F11: variants seen among roughly 807,000 people sequenced by gnomAD.
F11 encodes the protein coagualtion factor XI.
F11 carries 78 observed loss-of-function variants against 76.5 expected under a neutral mutation model. That is an observed-to-expected ratio of 1.02 (90% CI 0.85 to 1.23). F11 has a LOEUF of 1.23. F11 is among the 50% of genes most tolerant of loss of function. F11 has a pLI of 0.00. For synonymous variants in F11, 278 were observed against 276.3 expected (o/e 1.01, Z -0.06); for missense variants, 742 against 771.4 (o/e 0.96, Z 0.45).
chr4:186,280,001 G>T lies in F11; in HGVS notation c.756-11G>T, dbSNP rs777154225. On this transcript the variant is annotated splice_polypyrimidine_tract_variant and intron_variant, in intron 7 of 14. Transcript: ENST00000403665. ...TATGATATATTTCTACTTCCCTTTT[G>T]TTTTTGTTAGAAATCTTTGTCTCCT... The T allele has an allele frequency of 1.4e-5, 22 of 1,600,334 alleles. No homozygotes were observed. Among genetic ancestry groups the T allele is most frequent in the Non-Finnish European group, 1.7e-5 (20 of 1,167,620 alleles).
chr4:186,266,739 T>C (rs1186428936), intron 1 of F11, among the ~76,000 whole-genome samples: 2 of 151,838 alleles, frequency 1.3e-5, no homozygotes, highest in South Asian at 2.1e-4. Context: ...TTGAAAGATA[T>C]AGGGAGAGGC....
At chr4:186,270,113 T>C (rs958171126) in intron 2 of F11, among the ~76,000 whole-genome samples, 1 of 152,204 alleles carries the variant, frequency 6.6e-6, no homozygotes, top group Non-Finnish European at 1.5e-5. Context: ...TTTTCACAGA[T>C]GATGTGATTG....
intron 12 of F11, 87 bp downstream of exon 12, chr4:186,285,900 C>T (rs1264952230): frequency 1.5e-6 from 2 of 1,367,858 alleles, no homozygotes; most frequent in Non-Finnish European, 2.1e-6. Context: ...CTGACCCTGC[C>T]AATCTCTCCA....
In F11 at chr4:186,280,377, CG is replaced by C; in HGVS notation, c.1021del (p.Glu341LysfsTer8). ...ATACCCCAGCCCAAGCATCCTGCAA[CG>C]AAGGGAAGTAAGCCATATGAAGGGT... ...TYTPAQASCN[E>X]GKGKCYLKLS... On this transcript the variant is annotated frameshift_variant, in exon 9 of 15. Coordinates refer to ENST00000403665, the MANE Select transcript of F11 (RefSeq NM_000128.4). LOFTEE classifies it high-confidence loss of function. The C allele has an allele frequency of 6.2e-7, 1 of 1,614,198 alleles. No individual in the cohort carries two copies. Among genetic ancestry groups the C allele is most frequent in the Non-Finnish European group, 8.5e-7 (1 of 1,180,046 alleles).
At chr4:186,268,276 G>C in intron 2 of F11, among the ~76,000 whole-genome samples, 1 of 152,138 alleles carries the variant, frequency 6.6e-6, no homozygotes. Flanking sequence ...ATGATTTAAA[G>C]TACACAGGAG....
chr4:186,283,978 G>A, intron 10 of F11, 114 bp from the exon 11 acceptor site: 1 of 1,531,948 alleles, frequency 6.5e-7, no homozygotes, highest in Non-Finnish European at 9.0e-7. Context: ...TGTAACTCAG[G>A]GTCATGATAA....
At chr4:186,282,503 C>T in intron 10 of F11, 5 of 985,314 alleles carry the variant, frequency 5.1e-6, no homozygotes, top group Non-Finnish European at 6.0e-6. Flanking sequence ...TAGATAGCAG[C>T]ACCATTAAAA....
chr4:186,273,244 GTT>G lies in F11; in HGVS notation c.325+70_325+71del. ...TACACATATCGCCACATCGGATGTGGTTTTAAGGCTATGAAATGAAACACTGC... is the reference window on the plus strand; with the variant it reads ...TACACATATCGCCACATCGGATGTGGTTAAGGCTATGAAATGAAACACTGC... On this transcript the variant is annotated intron_variant, in intron 4 of 14. Coordinates refer to ENST00000403665, the MANE Select transcript of F11 (RefSeq NM_000128.4). The G allele has an allele frequency of 2.4e-6, 3 of 1,246,274 alleles. No homozygotes were observed. In the South Asian group the frequency reaches 3.6e-5, roughly 15 times the overall value. 77.2% of individuals were successfully genotyped at this position (1,246,274 alleles called of 1,614,324 possible). A position where few individuals can be genotyped will look rare whatever the true frequency, so the allele number is the denominator to read the frequency against.
chr4:186,282,467 T>C (rs867937709), intron 10 of F11: 2 of 985,448 alleles, frequency 2.0e-6, no homozygotes, highest in African/African-American at 3.5e-5. Context: ...GTCACTGGTC[T>C]ACAATGTAAC....
chr4:186,271,480 C>T lies in F11; in HGVS notation c.56-129C>T. 2.9e-6 allele frequency: 3 copies of T among 1,040,428 alleles called. No homozygotes were observed. The South Asian group carries it at 3.9e-5, about 13-fold the overall frequency. The allele number at this position is 1,040,428 out of a possible 1,614,324, so 64.4% of individuals were successfully genotyped here. On this transcript the variant is annotated intron_variant, in intron 2 of 14. Coordinates refer to ENST00000403665, the MANE Select transcript of F11 (RefSeq NM_000128.4). The stretch of plus-strand genomic sequence containing the variant: ...AAACTCACATAAAAGTGTTTATTGC[C>T]TTGATTTCCAAATTCAGGCGTATTT...
chr4:186,269,197 G>A (rs1334523797), intron 2 of F11, among the ~76,000 whole-genome samples: 2 of 152,186 alleles, frequency 1.3e-5, no homozygotes, highest in African/African-American at 2.4e-5. Context: ...TTCCAGGAAT[G>A]AAAAGTTGAT....
chr4:186,271,778 G>T lies in F11; in HGVS notation c.218+7G>T. On this transcript the variant is annotated splice_region_variant and intron_variant, in intron 3 of 14. Transcript: ENST00000403665. The stretch of plus-strand genomic sequence containing the variant: ...CTGAGGATCCCACCCGATGGTAAAT[G>T]CTTATGTTTCTACATCGAGGAGACA... 4 of 1,614,084 alleles carry T rather than the reference G, an allele frequency of 2.5e-6. No homozygotes were observed. The highest frequency in any genetic ancestry group is 3.4e-6 in the Non-Finnish European group (4 of 1,179,962).
At chr4:186,273,273 A>G (rs1251889106) in intron 4 of F11, 96 bp downstream of exon 4, 2 of 958,942 alleles carry the variant, frequency 2.1e-6, no homozygotes, top group Non-Finnish European at 1.7e-6. Context: ...AAACACTGCT[A>G]TGTGGAAATA....
chr4:186,286,342 GGAA>G (rs1741205615), intron 12 of F11, 70 bp from the exon 13 acceptor site: 1 of 1,283,958 alleles, frequency 7.8e-7, no homozygotes, highest in Non-Finnish European at 1.1e-6. Context: ...AATGTACAGT[GGAA>G]GAAGAGTCTC....
intron 7 of F11, 32 bp downstream of exon 7, chr4:186,276,422 A>G (rs765242225): frequency 6.2e-7 from 1 of 1,610,120 alleles, no homozygotes; most frequent in Non-Finnish European, 8.5e-7. Flanking sequence ...ATAATTTGTT[A>G]TCTTCTAAAA....
At chr4:186,282,843 T>C in intron 10 of F11, 1 of 985,232 alleles carries the variant, frequency 1.0e-6, no homozygotes, top group Non-Finnish European at 1.2e-6. Flanking sequence ...CCGAACTCCT[T>C]CTCTCATCCT....
chr4:186,282,605 T>A, intron 10 of F11: 1 of 985,106 alleles, frequency 1.0e-6, no homozygotes, highest in Non-Finnish European at 1.2e-6. Flanking sequence ...CCTCAAGGCC[T>A]CTCACCTGGA....
At chr4:186,287,658 A>T in intron 13 of F11, 26 bp from the exon 14 acceptor site, 13 of 1,586,944 alleles carry the variant, frequency 8.2e-6, no homozygotes, top group Non-Finnish European at 1.1e-5. Context: ...GTTATTCTAC[A>T]AACGAACCAA....
At position 186,267,160 on chromosome 4, in the gene F11, ACATTT is replaced by A; in HGVS notation, c.30_34del (p.Leu12TyrfsTer6). On this transcript the variant is annotated frameshift_variant, in exon 2 of 15. Transcript: ENST00000403665. LOFTEE classifies it high-confidence loss of function. ...GGATGATTTTCTTATATCAAGTGGT[ACATTT>A]CATTTTATTTACTTCAGTTTCTGGT... The A allele has an allele frequency of 6.3e-7, 1 of 1,583,488 alleles. No individual in the cohort carries two copies. The highest frequency in any genetic ancestry group is 1.1e-5 in the South Asian group (1 of 90,420).
Sources: allele counts gnomAD v4.1 joint callset (sites outside exome capture counted in the v4.1 genomes callset), GRCh38; gene constraint gnomAD v4.1.1; transcripts MANE v1.5; gene names NCBI Gene and HGNC (gene_info 2026-07-23, HGNC 2026-07-21).